NUMB: variants seen among roughly 807,000 people sequenced by gnomAD.
The protein encoded by NUMB is NUMB endocytic adaptor protein.
A neutral mutation model predicts 59.7 loss-of-function variants in NUMB; 29 were observed. That is an observed-to-expected ratio of 0.49 (90% CI 0.36 to 0.66). NUMB has a LOEUF of 0.66. NUMB is among the 30% of genes least tolerant of loss of function. The pLI, the probability that NUMB is intolerant of heterozygous loss-of-function variation, is 0.00. For synonymous variants in NUMB, 288 were observed against 288.2 expected (o/e 1.00, Z 0.01); for missense variants, 723 against 822.0 (o/e 0.88, Z 1.47).
At chr14:73,365,159 C>A (rs1403096138) in intron 3 of NUMB, among the ~76,000 whole-genome samples, 2 of 152,132 alleles carry the variant, frequency 1.3e-5, no homozygotes, top group African/African-American at 2.4e-5. Flanking sequence ...CGTGCCTCAG[C>A]CTGCTAAGTA....
intron 4 of NUMB, among the ~76,000 whole-genome samples, chr14:73,354,378 G>A (rs1213577800): frequency 6.6e-6 from 1 of 151,874 alleles, no homozygotes; most frequent in East Asian, 1.9e-4. Flanking sequence ...GGGCGTGGTG[G>A]TGCATGCCTG....
chr14:73,440,404 T>C (rs1882968132), intron 1 of NUMB, among the ~76,000 whole-genome samples: 1 of 151,958 alleles, frequency 6.6e-6, no homozygotes, highest in Non-Finnish European at 1.5e-5. Context: ...GAGCCAACTC[T>C]ATAAAACTCT....
chr14:73,444,215 C>T (rs544106653), intron 1 of NUMB, among the ~76,000 whole-genome samples: 31 of 152,132 alleles, frequency 2.0e-4, no homozygotes, highest in East Asian at 1.9e-4. Context: ...CTGGCTAACA[C>T]GGTGAAACCT....
At position 73,277,081 on chromosome 14, in the gene NUMB, T is replaced by C; in HGVS notation, c.1453A>G (p.Asn485Asp). Reference protein sequence around the residue: ...ISQPASPFQGNAFLTSQPVPV... With the variant: ...ISQPASPFQGDAFLTSQPVPV... ...ACAGGCTGAGAGGTGAGGAATGCATTCCCTTGGAAAGGTGATGCTGGCTGG... is the reference window on the plus strand; with the variant it reads ...ACAGGCTGAGAGGTGAGGAATGCATCCCCTTGGAAAGGTGATGCTGGCTGG... The change falls in exon 13 of 13, where the codon AAT becomes GAT. Residue 485 changes from asparagine to aspartate, a missense_variant. This residue lies in a region of NUMB where 406 missense variants were observed against 385.4 expected (regional missense o/e 1.05). Coordinates refer to ENST00000555238, the MANE Select transcript of NUMB (RefSeq NM_001005743.2). 1 of 1,614,086 alleles carries C rather than the reference T, an allele frequency of 6.2e-7. No homozygotes were observed. Among genetic ancestry groups the C allele is most frequent in the Non-Finnish European group, 8.5e-7 (1 of 1,180,020 alleles).
intron 2 of NUMB, among the ~76,000 whole-genome samples, chr14:73,367,340 T>TAGAGAGAGAGAGAGAG (rs1422948272): frequency 2.5e-5 from 2 of 79,672 alleles, no homozygotes; most frequent in Non-Finnish European, 2.2e-5. Flanking sequence ...CATATATATA[T>TAGAGAGAGAGAGAGAG]ATATATATAG....
At chr14:73,435,744 C>T (rs1476844568) in intron 1 of NUMB, among the ~76,000 whole-genome samples, 1 of 151,834 alleles carries the variant, frequency 6.6e-6, no homozygotes, top group African/African-American at 2.4e-5. Flanking sequence ...CAGTGGCTCA[C>T]GCCTGTAATC....
chr14:73,286,870 GCTT>G, intron 9 of NUMB: 1 of 518,326 alleles, frequency 1.9e-6, no homozygotes, highest in Non-Finnish European at 3.5e-6. Flanking sequence ...TGTCTCTGCA[GCTT>G]CTTCAACTGC....
At chr14:73,307,521 C>T (rs532399758) in intron 6 of NUMB, among the ~76,000 whole-genome samples, 20 of 151,890 alleles carry the variant, frequency 1.3e-4, no homozygotes, top group Non-Finnish European at 2.9e-4. Context: ...GAGGTGAAAG[C>T]GTGCCTGGTT....
At chr14:73,353,762 C>T (rs977040273) in intron 4 of NUMB, among the ~76,000 whole-genome samples, 1 of 151,628 alleles carries the variant, frequency 6.6e-6, no homozygotes, top group Non-Finnish European at 1.5e-5. Context: ...CAAACTGCCT[C>T]CCTAAGAGGT....
rs756600948 is a variant in NUMB, at chr14:73,276,549, T to C, written c.*29A>G. On this transcript the variant is annotated 3_prime_UTR_variant, in exon 13 of 13. Transcript: ENST00000555238. ...GCTACCCCCTGCTCCCTGTCTGGTA[T>C]GGACAAGATACATAGCCATAATGAT... 2.6e-5 allele frequency: 41 copies of C among 1,567,154 alleles called. No individual in the cohort carries two copies. The highest frequency in any genetic ancestry group is 3.4e-5 in the Non-Finnish European group (39 of 1,144,658).
chr14:73,421,806 A>C (rs921427763), intron 1 of NUMB, among the ~76,000 whole-genome samples: 6 of 152,188 alleles, frequency 3.9e-5, no homozygotes, highest in African/African-American at 1.4e-4. Flanking sequence ...TTTAAAAAAA[A>C]CAAACACTTT....
intron 2 of NUMB, among the ~76,000 whole-genome samples, chr14:73,405,006 G>A (rs544947652): frequency 1.3e-4 from 20 of 152,166 alleles, no homozygotes; most frequent in Admixed American, 5.2e-4. Context: ...TGACCTGCCC[G>A]CCTCTGCCTC....
intron 4 of NUMB, among the ~76,000 whole-genome samples, chr14:73,354,328 G>A (rs760614872): frequency 8.6e-5 from 13 of 151,924 alleles, no homozygotes; most frequent in Non-Finnish European, 1.6e-4. Flanking sequence ...GGTCAATGTG[G>A]TGAAACCCTG....
chr14:73,454,016 C>A (rs1884175415), intron 1 of NUMB, among the ~76,000 whole-genome samples: 1 of 151,946 alleles, frequency 6.6e-6, no homozygotes, highest in Admixed American at 6.6e-5. Context: ...TGTTTTATTT[C>A]TCCCCAGCCC....
intron 3 of NUMB, among the ~76,000 whole-genome samples, chr14:73,357,329 G>C (rs1409438855): frequency 1.3e-5 from 2 of 151,002 alleles, no homozygotes; most frequent in Non-Finnish European, 3.0e-5. Flanking sequence ...CTTGAACCTG[G>C]GGGGCAGAGG....
chr14:73,367,326 T>C (rs1159672368), intron 2 of NUMB, among the ~76,000 whole-genome samples: 60 of 85,856 alleles, frequency 7.0e-4, no homozygotes, highest in African/African-American at 2.9e-3. Context: ...CACACACATA[T>C]ATACATATAT....
At chr14:73,302,514 C>G (rs907324562) in intron 6 of NUMB, among the ~76,000 whole-genome samples, 2 of 149,882 alleles carry the variant, frequency 1.3e-5, no homozygotes, top group Admixed American at 6.8e-5. Context: ...TCAAGTGATT[C>G]TCATGCCTCA....
chr14:73,318,703 A>G (rs534093339), intron 5 of NUMB, among the ~76,000 whole-genome samples: 1 of 152,388 alleles, frequency 6.6e-6, no homozygotes, highest in East Asian at 1.9e-4. Flanking sequence ...GCTAAGTCCC[A>G]AAGTAGCTAA....
chr14:73,404,293 G>C (rs1896556899), intron 2 of NUMB, among the ~76,000 whole-genome samples: 1 of 144,940 alleles, frequency 6.9e-6, no homozygotes, highest in Non-Finnish European at 1.5e-5. Context: ...ATAATAACAT[G>C]CTTCAAAACA....
Sources: gnomAD v4.1 joint callset for allele counts (sites outside exome capture counted in the v4.1 genomes callset) on GRCh38, gnomAD v4.1.1 for gene constraint, gnomAD v4.1.1 regional missense constraint, MANE v1.5 for transcripts, NCBI Gene and HGNC (gene_info 2026-07-23, HGNC 2026-07-21) for gene names.